TSC2: variants seen among roughly 807,000 people sequenced by gnomAD.
TSC2 encodes tuberin.
In TSC2, 29 loss-of-function variants were observed where a neutral mutation model predicts 202.2. That is an observed-to-expected ratio of 0.14 (90% CI 0.11 to 0.20). The LOEUF (loss-of-function observed/expected upper bound fraction) is 0.20. Among genes scored for constraint, TSC2 ranks in the 10% least tolerant of loss-of-function variants. The pLI is 1.00. For missense variants in TSC2, 2,429 were observed against 2,420.0 expected (o/e 1.00, Z -0.08); for synonymous variants, 1,349 against 1,044.0 (o/e 1.29, Z -5.63).
At chr16:2,062,949 C>T in intron 13 of TSC2, 23 bp from the exon 14 acceptor site, 2 of 1,547,780 alleles carry the variant, frequency 1.3e-6, no homozygotes, top group Non-Finnish European at 1.7e-6. Context: ...CCCCACCCGC[C>T]CCAGCAGGCT....
chr16:2,050,120 A>G (rs1208384726), intron 2 of TSC2, among the ~76,000 whole-genome samples: 1 of 151,804 alleles, frequency 6.6e-6, no homozygotes, highest in African/African-American at 2.4e-5. Context: ...CACGCCCAGC[A>G]AATTTTTTGT....
intron 32 of TSC2, chr16:2,082,827 T>C: frequency 4.1e-6 from 2 of 487,282 alleles, no homozygotes; most frequent in East Asian, 3.8e-5. Context: ...GTGGCAGCTG[T>C]TTAGGGGGAA....
At chr16:2,054,651 G>C (rs952243682) in intron 5 of TSC2, 2 of 664,722 alleles carry the variant, frequency 3.0e-6, no homozygotes, top group African/African-American at 3.6e-5. Context: ...CTTCACCCCA[G>C]ACCTGCTGAC....
intron 29 of TSC2, 90 bp from the exon 30 acceptor site, chr16:2,080,075 C>A: frequency 6.4e-7 from 1 of 1,554,048 alleles, no homozygotes; most frequent in Non-Finnish European, 8.8e-7. Flanking sequence ...GTGGCACTAG[C>A]TTGCCAGGCT....
chr16:2,062,900 C>T (rs974847865), intron 13 of TSC2, 72 bp from the exon 14 acceptor site: 1 of 1,513,058 alleles, frequency 6.6e-7, no homozygotes, highest in Non-Finnish European at 8.9e-7. Context: ...CTGGCCTGCG[C>T]CAGGCAGACG....
At chr16:2,054,820 C>T (rs529553819) in intron 5 of TSC2, 2 of 368,712 alleles carry the variant, frequency 5.4e-6, no homozygotes, top group African/African-American at 4.2e-5. Context: ...TTCCTCCTGC[C>T]ATCCTGTGGT....
In TSC2 at chr16:2,083,228, G is replaced by C. The variant is rs996497141; in HGVS notation, c.3884-467G>C. On this transcript the variant is annotated intron_variant, in intron 32 of 41. Transcript: ENST00000219476. ...CCACCCTCTCTCCTTAGCGTCCCCA[G>C]CTGTGGGTCTGGCTTGGAGTTGGAG... 21 of 460,322 alleles carry C rather than the reference G, an allele frequency of 4.6e-5. No individual in the cohort carries two copies. In the East Asian group the frequency reaches 1.2e-3, roughly 26 times the overall value. The allele number at this position is 460,322 out of a possible 1,614,324, so 28.5% of individuals were successfully genotyped here.
Position 2,089,430 on chromosome 16 carries a change from C to T in TSC2, c.*820C>T, listed in dbSNP as rs181814805. ...GGGACATCTGCCCAGGGGGTGGGGC[C>T]GGGCACAGCCCGCTGTACCTGAGGA... is the stretch of plus-strand genomic sequence containing the variant. On this transcript the variant is annotated 3_prime_UTR_variant, in exon 42 of 42. Transcript: ENST00000219476. 3.5e-5 allele frequency: 17 copies of T among 483,842 alleles called. No homozygotes were observed. The highest frequency in any genetic ancestry group is 1.0e-4 in the South Asian group (4 of 39,986). 30.0% of individuals were successfully genotyped at this position (483,842 alleles called of 1,614,324 possible). A position where few individuals can be genotyped will look rare whatever the true frequency, so the allele number is the denominator to read the frequency against.
rs761264878 is a variant in TSC2 at position 2,080,275 on chromosome 16, T to C, written c.3508T>C (p.Ser1170Pro). 6.2e-7 allele frequency: 1 copy of C among 1,612,960 alleles called. No individual in the cohort carries two copies. The highest frequency in any genetic ancestry group is 1.7e-5 in the Admixed American group (1 of 60,020). Residue 1170 changes from serine to proline, a missense_variant, in exon 30 of 42, where the codon TCA becomes CCA. Transcript: ENST00000219476. ...TAPAAKPEKASAGTRVPVQEK... is the reference protein window; with the variant it reads ...TAPAAKPEKAPAGTRVPVQEK... The stretch of plus-strand genomic sequence containing the variant: ...ACCAGCCGCGAAACCTGAGAAGGCC[T>C]CAGCTGGCACCCGGGTTCCTGTGCA...
chr16:2,062,786 A>G (rs2086798609), intron 13 of TSC2, 186 bp downstream of exon 13: 3 of 885,766 alleles, frequency 3.4e-6, no homozygotes, highest in South Asian at 3.0e-5. Context: ...TCCTCTCATG[A>G]CGCCACTGGG....
At chr16:2,061,586 G>A in intron 11 of TSC2, 1 of 500,920 alleles carries the variant, frequency 2.0e-6, no homozygotes, top group Non-Finnish European at 3.7e-6. Context: ...TGGGGTACGG[G>A]CAGGAACAGC....
rs370426490 is a variant in TSC2, at chr16:2,086,383, C to G, written c.4849+4C>G. The G allele has an allele frequency of 6.2e-7, 1 of 1,611,826 alleles. No individual in the cohort carries two copies. Among genetic ancestry groups the G allele is most frequent in the Admixed American group, 1.7e-5 (1 of 59,886 alleles). On this transcript the variant is annotated splice_donor_region_variant and intron_variant, in intron 37 of 41. Coordinates refer to ENST00000219476, the MANE Select transcript of TSC2 (RefSeq NM_000548.5). Reference sequence around the variant, plus strand: ...TGGCACGATGACATCATGCAAGGTACGGCCTGGCGCCTACCCGCTCCTGCT... The same window carrying G: ...TGGCACGATGACATCATGCAAGGTAGGGCCTGGCGCCTACCCGCTCCTGCT...
At chr16:2,064,129 G>T (rs552220674) in intron 14 of TSC2, 143 bp from the exon 15 acceptor site, 9 of 1,345,382 alleles carry the variant, frequency 6.7e-6, no homozygotes, top group Non-Finnish European at 9.5e-6. Context: ...CGCTCAGCGG[G>T]TGCTTGTGCT....
Position 2,088,860 on chromosome 16 carries a change from C to A in TSC2, c.*250C>A. On this transcript the variant is annotated 3_prime_UTR_variant, in exon 42 of 42. Coordinates refer to ENST00000219476, the MANE Select transcript of TSC2 (RefSeq NM_000548.5). ...CCTTGAGGCTGCCTGGGCCATACAG[C>A]ACACTCGCGCGTGCGCGCGCGCACA... 1 of 555,230 alleles carries A rather than the reference C, an allele frequency of 1.8e-6. No homozygotes were observed. The highest frequency in any genetic ancestry group is 3.0e-5 in the East Asian group (1 of 33,376). The allele number at this position is 555,230 out of a possible 1,614,324, so 34.4% of individuals were successfully genotyped here. A position where few individuals can be genotyped will look rare whatever the true frequency, so the allele number is the denominator to read the frequency against.
chr16:2,081,365 G>A (rs1440585949), intron 30 of TSC2: 3 of 601,358 alleles, frequency 5.0e-6, no homozygotes, highest in East Asian at 5.8e-5. Context: ...CTGTGGGCTG[G>A]AGGCCGCTGC....
intron 14 of TSC2, 161 bp from the exon 15 acceptor site, chr16:2,064,111 C>G (rs898058426): frequency 2.5e-6 from 3 of 1,198,608 alleles, no homozygotes; most frequent in Non-Finnish European, 2.4e-6. Flanking sequence ...CCCGGGGTCT[C>G]TGAGTCGCGC....
chr16:2,069,193 G>A (rs1250404279), intron 16 of TSC2, among the ~76,000 whole-genome samples: 1 of 152,182 alleles, frequency 6.6e-6, no homozygotes, highest in African/African-American at 2.4e-5. Flanking sequence ...GGTTCCATGT[G>A]GCCTTCCCAG....
In TSC2 at chr16:2,070,491, G is replaced by T. The variant is rs141285742; in HGVS notation, c.1752G>T (p.Thr584=). 1.9e-6 allele frequency: 3 copies of T among 1,613,388 alleles called. No homozygotes were observed. Among genetic ancestry groups the T allele is most frequent in the Non-Finnish European group, 2.5e-6 (3 of 1,180,022 alleles). Residue 584 remains threonine (T), a synonymous_variant, in exon 17 of 42, where the codon ACG becomes ACT. Coordinates refer to ENST00000219476, the MANE Select transcript of TSC2 (RefSeq NM_000548.5). ...KLYTLPASHA[T]RVYEMLVSHI... ...ACACCCTGCCTGCAAGCCACGCCACGCGTGTGTATGAGATGCTGGTCAGCC... is the reference window on the plus strand; with the variant it reads ...ACACCCTGCCTGCAAGCCACGCCACTCGTGTGTATGAGATGCTGGTCAGCC...
chr16:2,055,366 C>T (rs773642257), intron 5 of TSC2, 36 bp from the exon 6 acceptor site: 24 of 1,550,590 alleles, frequency 1.5e-5, no homozygotes, highest in South Asian at 1.0e-4. Flanking sequence ...GATGTAGATT[C>T]GGCGTCCTCG....
Sources: gnomAD v4.1 joint callset for allele counts (sites outside exome capture counted in the v4.1 genomes callset) on GRCh38, gnomAD v4.1.1 for gene constraint, MANE v1.5 for transcripts, NCBI Gene and HGNC (gene_info 2026-07-23, HGNC 2026-07-21) for gene names.